TNRC6C: variants seen among roughly 807,000 people sequenced by gnomAD.
TNRC6C encodes the protein trinucleotide repeat containing adaptor 6C, also known as trinucleotide repeat-containing gene 6C protein.
A neutral mutation model predicts 153.7 loss-of-function variants in TNRC6C; 20 were observed. That is an observed-to-expected ratio of 0.13 (90% CI 0.09 to 0.19). The LOEUF (loss-of-function observed/expected upper bound fraction) is 0.19. Ranked by LOEUF, TNRC6C falls within the 10% of genes least tolerant of loss-of-function variation. The pLI is 1.00. For synonymous variants in TNRC6C, 811 were observed against 841.4 expected, an observed-to-expected ratio of 0.96 and a Z score of 0.63; for missense variants, 1,987 against 2,172.0, an observed-to-expected ratio of 0.91 and a Z score of 1.69.
chr17:78,061,589 C>A (rs973319481), intron 3 of TNRC6C, among the ~76,000 whole-genome samples: 2 of 152,238 alleles, frequency 1.3e-5, no homozygotes, highest in Non-Finnish European at 2.9e-5. Flanking sequence ...GCAGGAGGAT[C>A]GCTTGAATCT....
chr17:77,970,320 A>T (rs2070930795), intron 1 of TNRC6C, among the ~76,000 whole-genome samples: 1 of 152,196 alleles, frequency 6.6e-6, no homozygotes, highest in African/African-American at 2.4e-5. Flanking sequence ...GTCACAGCTC[A>T]TCGCAGCCTC....
chr17:78,007,773 T>C (rs954673890), intron 1 of TNRC6C, among the ~76,000 whole-genome samples: 1 of 152,196 alleles, frequency 6.6e-6, no homozygotes, highest in Non-Finnish European at 1.5e-5. Context: ...ACTGAATCAA[T>C]CAACATTGTA....
chr17:78,041,101 G>A (rs892939433), intron 2 of TNRC6C: 7 of 152,444 alleles, frequency 4.6e-5, no homozygotes, highest in African/African-American at 1.4e-4. Context: ...AGGAGGGTTG[G>A]GCGGCACCGT....
At chr17:78,013,718 C>CT (rs148409613) in intron 1 of TNRC6C, among the ~76,000 whole-genome samples, 1,674 of 152,234 alleles carry the variant, frequency 0.011, 36 homozygotes, top group African/African-American at 0.038. Context: ...ATCATTGAAT[C>CT]TGAAGGGTGA....
intron 1 of TNRC6C, among the ~76,000 whole-genome samples, chr17:77,987,104 C>T (rs1198546365): frequency 3.3e-5 from 5 of 152,164 alleles, no homozygotes; most frequent in African/African-American, 4.8e-5. Flanking sequence ...TTTACAGCAA[C>T]ATGATTAAAG....
chr17:78,083,135 C>G (rs201770136), exon 11 of TNRC6C: 1 of 1,613,808 alleles, frequency 6.2e-7, no homozygotes, highest in African/African-American at 1.3e-5. Flanking sequence ...CAACATATGA[C>G]GATGTTGAAC....
At chr17:78,028,408 AC>A (rs1300994331) in intron 1 of TNRC6C, among the ~76,000 whole-genome samples, 1 of 152,166 alleles carries the variant, frequency 6.6e-6, no homozygotes, top group African/African-American at 2.4e-5. Context: ...TGAGGCCAGG[AC>A]CATGCATTCG....
At position 78,093,492 on chromosome 17, in the gene TNRC6C, G is replaced by A. The variant is rs74894602; in HGVS notation, c.4163-128G>A. On this transcript the variant is annotated intron_variant, in intron 15 of 19. Coordinates refer to ENST00000301624, the Ensembl canonical transcript of TNRC6C. ...ATTGCTTTAATGAAAGAGAGTATAA[G>A]GTGTACCTCTAATTTAATTAGCAGA... 392 of 1,141,548 alleles carry A rather than the reference G, an allele frequency of 3.4e-4. 3 individuals carry two copies. The African/African-American group carries it at 5.5e-3, about 16-fold the overall frequency. 70.7% of individuals were successfully genotyped at this position (1,141,548 alleles called of 1,614,324 possible).
chr17:78,078,787 A>G (rs1001450583), intron 9 of TNRC6C, among the ~76,000 whole-genome samples: 1 of 152,108 alleles, frequency 6.6e-6, no homozygotes, highest in Admixed American at 6.5e-5. Context: ...CAACATGGCA[A>G]AACCCCGTCT....
At chr17:78,036,272 G>C (rs2072176795) in intron 2 of TNRC6C, among the ~76,000 whole-genome samples, 1 of 152,198 alleles carries the variant, frequency 6.6e-6, no homozygotes, top group Non-Finnish European at 1.5e-5. Flanking sequence ...TAAAGAAAGT[G>C]AAGTATTCGT....
exon 3 of TNRC6C, chr17:78,050,255 G>A: frequency 1.3e-6 from 2 of 1,542,926 alleles, no homozygotes; most frequent in Non-Finnish European, 1.7e-6. Flanking sequence ...GCAAGTGAAG[G>A]AAGTAGTGAT....
upstream of TNRC6C, among the ~76,000 whole-genome samples, chr17:78,002,290 G>T (rs2143162154): frequency 6.6e-6 from 1 of 152,184 alleles, no homozygotes; most frequent in Non-Finnish European, 1.5e-5. Flanking sequence ...GCCCTGAAGA[G>T]TAACAGATTC....
chr17:78,099,727 C>A (rs1567968100), intron 17 of TNRC6C, among the ~76,000 whole-genome samples: 1 of 152,188 alleles, frequency 6.6e-6, no homozygotes, highest in Admixed American at 6.5e-5. Flanking sequence ...ATCTCATGTC[C>A]TCACATTTCA....
At chr17:78,006,808 T>TTTTA (rs1199249926) in intron 1 of TNRC6C, among the ~76,000 whole-genome samples, 45 of 148,210 alleles carry the variant, frequency 3.0e-4, no homozygotes, top group African/African-American at 7.5e-4. Flanking sequence ...GAGAATTTTC[T>TTTTA]TTTATTTATT....
intron 1 of TNRC6C, among the ~76,000 whole-genome samples, chr17:77,996,385 C>G (rs1390625564): frequency 6.6e-6 from 1 of 152,122 alleles, no homozygotes; most frequent in African/African-American, 2.4e-5. Flanking sequence ...AGCTGGAAAA[C>G]TAGGACACAA....
upstream of TNRC6C, among the ~76,000 whole-genome samples, chr17:77,958,768 AGCC>A (rs535480420): frequency 3.3e-5 from 5 of 149,812 alleles, no homozygotes; most frequent in African/African-American, 4.9e-5. Flanking sequence ...CGGGAGCCGT[AGCC>A]GCCGCCGCCG....
Position 78,025,485 on chromosome 17 carries a change from G to A in TNRC6C, c.-545-6031G>A, listed in dbSNP as rs188167619. Among the ~76,000 whole-genome samples the A allele has an allele frequency of 1.6e-4, 24 of 152,124 alleles. No individual in the cohort carries two copies. The East Asian group carries it at 4.2e-3, about 27-fold the overall frequency. ...TGAATGCACCAGTTTATCCATTCAC[G>A]TACTGAAAAACATCTTGGTTGCTTC... is the stretch of plus-strand genomic sequence containing the variant. On this transcript the variant is annotated intron_variant, in intron 1 of 19. Transcript: ENST00000301624.
intron 1 of TNRC6C, among the ~76,000 whole-genome samples, chr17:78,017,056 G>T (rs990860250): frequency 2.0e-5 from 3 of 152,130 alleles, no homozygotes; most frequent in Admixed American, 6.5e-5. Flanking sequence ...TAAACCCCCA[G>T]TTCTGAATGG....
intron 1 of TNRC6C, among the ~76,000 whole-genome samples, chr17:78,028,205 G>A (rs757118066): frequency 6.6e-6 from 1 of 152,162 alleles, no homozygotes; most frequent in Non-Finnish European, 1.5e-5. Flanking sequence ...GAAACTTGGA[G>A]TTTTTACTTG....
Sources: allele counts gnomAD v4.1 joint callset (sites outside exome capture counted in the v4.1 genomes callset), GRCh38; gene constraint gnomAD v4.1.1; transcripts MANE v1.5; gene names NCBI Gene and HGNC (gene_info 2026-07-23, HGNC 2026-07-21).